Variants in NPSR1 observed in about 807,000 individuals in gnomAD.
NPSR1 encodes neuropeptide S receptor.
In NPSR1, 48 loss-of-function variants were observed where a neutral mutation model predicts 46.9. The observed-to-expected ratio is 1.02, with a 90% CI of 0.81 to 1.30. The LOEUF is 1.30. Ranked by LOEUF, NPSR1 falls within the 50% of genes most tolerant of loss-of-function variation. NPSR1 has a pLI of 0.00. For missense variants in NPSR1, 450 were observed against 449.5 expected (o/e 1.00, Z -0.01); for synonymous variants, 176 against 168.1 (o/e 1.05, Z -0.36).
At chr7:34,792,631 G>A (rs1562732926) in intron 3 of NPSR1, among the ~76,000 whole-genome samples, 2 of 93,146 alleles carry the variant, frequency 2.1e-5, no homozygotes, top group African/African-American at 7.3e-5. Flanking sequence ...ATGTGTGTGT[G>A]TGTGTATGTG....
chr7:34,877,891 G>T (rs972296343), intron 8 of NPSR1, among the ~76,000 whole-genome samples: 6 of 152,184 alleles, frequency 3.9e-5, no homozygotes, highest in African/African-American at 1.4e-4. Context: ...GATGAATGAA[G>T]CAGAGCTGTC....
intron 1 of NPSR1, among the ~76,000 whole-genome samples, chr7:34,683,260 G>A (rs1039806432): frequency 9.9e-5 from 15 of 151,936 alleles, no homozygotes; most frequent in Non-Finnish European, 1.3e-4. Flanking sequence ...TGGCTAACAC[G>A]GTGAAACCCT....
At chr7:34,721,825 A>G (rs1783871253) in intron 2 of NPSR1, among the ~76,000 whole-genome samples, 1 of 152,246 alleles carries the variant, frequency 6.6e-6, no homozygotes, top group African/African-American at 2.4e-5. Flanking sequence ...AAGGTGTTCC[A>G]GAACCAATGG....
chr7:34,733,995 T>C (rs1784555154), intron 2 of NPSR1, among the ~76,000 whole-genome samples: 1 of 152,198 alleles, frequency 6.6e-6, no homozygotes, highest in Admixed American at 6.5e-5. Flanking sequence ...AGAGGAGTCA[T>C]AGTCATGGGA....
intron 1 of NPSR1, among the ~76,000 whole-genome samples, chr7:34,660,641 C>T (rs993524181): frequency 1.3e-5 from 2 of 152,194 alleles, no homozygotes; most frequent in Admixed American, 6.5e-5. Context: ...AACAACCATA[C>T]GTCTCATTTA....
chr7:34,756,469 T>C lies in NPSR1; in HGVS notation c.281-21993T>C, dbSNP rs575958618. ...CTAGGACAGGGGTCAACCAAATTTC[T>C]CTGTAAAGGCCCAGATATTAAATAT... is the stretch of plus-strand genomic sequence containing the variant. On this transcript the variant is annotated intron_variant, in intron 2 of 8. Coordinates refer to ENST00000360581, the MANE Select transcript of NPSR1 (RefSeq NM_207172.2). 3.9e-5 allele frequency among the ~76,000 whole-genome samples: 6 copies of C among 152,286 alleles called. No homozygotes were observed. In the East Asian group the frequency reaches 9.7e-4, roughly 25 times the overall value.
rs569064468 is a variant in NPSR1 at position 34,768,930 on chromosome 7, C to T, written c.281-9532C>T. On this transcript the variant is annotated intron_variant, in intron 2 of 8. Coordinates refer to ENST00000360581, the MANE Select transcript of NPSR1 (RefSeq NM_207172.2). Reference sequence around the variant, plus strand: ...TCTACTATGTATTATGGGTTCCTGGCTTGGGTGTCCCTAGCAGACAGTGGT... The same window carrying T: ...TCTACTATGTATTATGGGTTCCTGGTTTGGGTGTCCCTAGCAGACAGTGGT... Among the ~76,000 whole-genome samples the T allele has an allele frequency of 2.6e-5, 4 of 152,174 alleles. No homozygotes were observed. In the East Asian group the frequency reaches 7.7e-4, roughly 29 times the overall value.
intron 3 of NPSR1, among the ~76,000 whole-genome samples, chr7:34,783,573 CA>C (rs947905169): frequency 1.8e-4 from 27 of 150,422 alleles, no homozygotes; most frequent in Middle Eastern, 3.4e-3. Flanking sequence ...ATGAGAGAGA[CA>C]AAAAAAATAT....
intron 7 of NPSR1, among the ~76,000 whole-genome samples, chr7:34,845,253 G>A (rs113861296): frequency 6.6e-6 from 1 of 152,308 alleles, no homozygotes; most frequent in African/African-American, 2.4e-5. Flanking sequence ...ACTAGCTGAA[G>A]TGGATGCTCA....
intron 2 of NPSR1, among the ~76,000 whole-genome samples, chr7:34,685,074 T>C (rs1463607804): frequency 6.6e-6 from 1 of 152,224 alleles, no homozygotes; most frequent in Admixed American, 6.5e-5. Flanking sequence ...AAATTATTAA[T>C]GTTAAGTCTT....
intron 3 of NPSR1, among the ~76,000 whole-genome samples, chr7:34,806,898 T>G (rs1389883492): frequency 2.0e-5 from 3 of 152,116 alleles, no homozygotes; most frequent in Non-Finnish European, 4.4e-5. Flanking sequence ...TTTCTCTGTT[T>G]CCAGCATTTA....
intron 2 of NPSR1, among the ~76,000 whole-genome samples, chr7:34,692,137 A>G (rs1382909173): frequency 6.6e-6 from 1 of 152,058 alleles, no homozygotes; most frequent in African/African-American, 2.4e-5. Context: ...AAAACAAAAC[A>G]AAACGAAACA....
At chr7:34,767,707 A>G (rs1315446276) in intron 2 of NPSR1, among the ~76,000 whole-genome samples, 2 of 152,210 alleles carry the variant, frequency 1.3e-5, no homozygotes, top group Non-Finnish European at 2.9e-5. Context: ...AAATCTCTGA[A>G]TGATAGCTGG....
intron 3 of NPSR1, among the ~76,000 whole-genome samples, chr7:34,794,532 G>A (rs1788086222): frequency 6.6e-6 from 1 of 152,008 alleles, no homozygotes; most frequent in African/African-American, 2.4e-5. Context: ...TGTATTAAAG[G>A]AATTAATTAT....
intron 3 of NPSR1, among the ~76,000 whole-genome samples, chr7:34,802,511 A>G: frequency 6.6e-6 from 1 of 150,486 alleles, no homozygotes. Context: ...CTGGATAGCC[A>G]TATGTAGAAA....
intron 2 of NPSR1, among the ~76,000 whole-genome samples, chr7:34,700,011 T>A (rs546796017): frequency 6.6e-6 from 1 of 152,222 alleles, no homozygotes; most frequent in Non-Finnish European, 1.5e-5. Context: ...CCACCCAAGG[T>A]GTATGAAATG....
intron 4 of NPSR1, among the ~76,000 whole-genome samples, chr7:34,826,179 G>A (rs1263645893): frequency 6.6e-6 from 1 of 152,126 alleles, no homozygotes; most frequent in Admixed American, 6.5e-5. Context: ...GAACAGGAAA[G>A]ACCTTAATCA....
intron 2 of NPSR1, among the ~76,000 whole-genome samples, chr7:34,731,315 C>A (rs932621036): frequency 6.6e-6 from 1 of 151,896 alleles, no homozygotes; most frequent in African/African-American, 2.4e-5. Flanking sequence ...ATGCAATTCA[C>A]CAGTAAACCT....
intron 1 of NPSR1, among the ~76,000 whole-genome samples, chr7:34,666,894 C>T (rs181836866): frequency 6.6e-6 from 1 of 152,150 alleles, no homozygotes; most frequent in Admixed American, 6.5e-5. Context: ...TTTTGAGTAA[C>T]CAAGAAAGTA....
Sources: gnomAD v4.1 joint callset for allele counts (sites outside exome capture counted in the v4.1 genomes callset) on GRCh38, gnomAD v4.1.1 for gene constraint, MANE v1.5 for transcripts, NCBI Gene and HGNC (gene_info 2026-07-23, HGNC 2026-07-21) for gene names.